Variants in DMGDH observed in about 807,000 individuals in gnomAD.
DMGDH encodes dimethylglycine dehydrogenase.
Under a neutral mutation model 95.2 loss-of-function variants are expected in DMGDH, and 76 were observed. The observed-to-expected ratio is 0.80, with a 90% confidence interval of 0.66 to 0.97. The LOEUF is 0.97. Ranked by LOEUF, DMGDH falls within the 50% of genes least tolerant of loss-of-function variation. The probability of loss-of-function intolerance (pLI) is 0.00; values close to 1 mark genes in which losing one functional copy is unlikely to be tolerated. For synonymous variants in DMGDH, 345 were observed against 377.6 expected, an observed-to-expected ratio of 0.91 and a Z score of 1.00; for missense variants, 987 against 1,055.0, an observed-to-expected ratio of 0.94 and a Z score of 0.89.
chr5:79,021,227 C>T, intron 14 of DMGDH: 1 of 1,009,930 alleles, frequency 9.9e-7, no homozygotes, highest in Non-Finnish European at 1.2e-6. Context: ...CTGGAGAGCC[C>T]TCCACTTGCG....
intron 15 of DMGDH, among the ~76,000 whole-genome samples, chr5:79,002,568 T>G (rs1753471975): frequency 6.6e-6 from 1 of 152,170 alleles, no homozygotes; most frequent in African/African-American, 2.4e-5. Flanking sequence ...ATTCTTGTGT[T>G]TTGTTCACTG....
At chr5:79,015,964 G>A (rs1436325983) in intron 14 of DMGDH, among the ~76,000 whole-genome samples, 1 of 152,098 alleles carries the variant, frequency 6.6e-6, no homozygotes, top group Admixed American at 6.5e-5. Context: ...TTTTAAAAAT[G>A]TTAACACTAG....
Position 79,051,308 on chromosome 5 carries a change from T to C in DMGDH, c.724A>G (p.Asn242Asp). 1.2e-6 allele frequency: 2 copies of C among 1,614,222 alleles called. No homozygotes were observed. The highest frequency in any genetic ancestry group is 1.7e-6 in the Non-Finnish European group (2 of 1,180,034). ...TTACCTGCAGCATTCACAATTCTATTTGCTCTCATAGACCCCTGTGGTGTT... is the reference window on the plus strand; with the variant it reads ...TTACCTGCAGCATTCACAATTCTATCTGCTCTCATAGACCCCTGTGGTGTT... ...VETPQGSMRA[N>D]RIVNAAGFWA... Residue 242 changes from asparagine (N) to aspartate (D), a missense_variant, in exon 5 of 16, where the codon AAT (asparagine) becomes GAT (aspartate). Asn to Asp is a conservative substitution (Grantham distance 23). Transcript: ENST00000255189.
chr5:79,006,315 G>T (rs748497577), intron 14 of DMGDH, among the ~76,000 whole-genome samples: 2 of 151,922 alleles, frequency 1.3e-5, no homozygotes, highest in Admixed American at 6.6e-5. Flanking sequence ...ACACACAAGT[G>T]AGCAATGACT....
chr5:79,028,376 T>C (rs1754057444), intron 12 of DMGDH, 57 bp downstream of exon 12: 1 of 1,448,570 alleles, frequency 6.9e-7, no homozygotes. Flanking sequence ...AAATTTTAAA[T>C]TTTAAATTGA....
At chr5:79,042,875 C>A (rs1279595355) in intron 6 of DMGDH, among the ~76,000 whole-genome samples, 4 of 152,016 alleles carry the variant, frequency 2.6e-5, no homozygotes, top group African/African-American at 4.8e-5. Context: ...TGGGAGTTTA[C>A]AAAGTCATGG....
chr5:79,023,554 C>T (rs892656314), intron 14 of DMGDH, among the ~76,000 whole-genome samples: 1 of 152,122 alleles, frequency 6.6e-6, no homozygotes, highest in Admixed American at 6.5e-5. Flanking sequence ...GGCCTGACTC[C>T]CAGAGATTCT....
chr5:79,010,215 C>G (rs1753625532), intron 14 of DMGDH, among the ~76,000 whole-genome samples: 1 of 151,942 alleles, frequency 6.6e-6, no homozygotes, highest in East Asian at 1.9e-4. Context: ...ACCATATTAC[C>G]TAAAAGCACA....
intron 14 of DMGDH, 86 bp downstream of exon 14, chr5:79,024,185 G>A: frequency 8.4e-7 from 1 of 1,191,884 alleles, no homozygotes; most frequent in South Asian, 1.2e-5. Context: ...ATCCATACTT[G>A]GTTAAATTTT....
intron 4 of DMGDH, among the ~76,000 whole-genome samples, chr5:79,053,355 G>A (rs1421116925): frequency 6.6e-6 from 1 of 151,940 alleles, no homozygotes; most frequent in Non-Finnish European, 1.5e-5. Flanking sequence ...TGTGTGAGAC[G>A]AGGTCTCAGT....
chr5:79,015,264 ACTCATTG>A (rs897669316), intron 14 of DMGDH, among the ~76,000 whole-genome samples: 4 of 151,870 alleles, frequency 2.6e-5, no homozygotes, highest in African/African-American at 9.7e-5. Context: ...TCTAAATAGC[ACTCATTG>A]CTCTTTCTTC....
chr5:79,020,958 T>C, intron 14 of DMGDH: 1 of 985,412 alleles, frequency 1.0e-6, no homozygotes. Flanking sequence ...GGCAGCTGAT[T>C]TTCCTTTTGC....
intron 2 of DMGDH, among the ~76,000 whole-genome samples, chr5:79,057,412 C>A (rs937457963): frequency 6.6e-6 from 1 of 152,136 alleles, no homozygotes; most frequent in Non-Finnish European, 1.5e-5. Flanking sequence ...GCATTTCATC[C>A]TCCTGCACTC....
chr5:79,049,722 A>T (rs1285776387), intron 5 of DMGDH, among the ~76,000 whole-genome samples: 2 of 152,204 alleles, frequency 1.3e-5, no homozygotes, highest in Middle Eastern at 3.2e-3. Context: ...TGTCAGATGG[A>T]GACTGGAGGG....
intron 6 of DMGDH, 126 bp downstream of exon 6, chr5:79,044,178 T>G (rs1391042504): frequency 7.2e-7 from 1 of 1,385,294 alleles, no homozygotes; most frequent in Non-Finnish European, 1.0e-6. Flanking sequence ...ACCTGTCACC[T>G]CCAATGTCCC....
chr5:79,019,296 G>A (rs1410715927), intron 14 of DMGDH, among the ~76,000 whole-genome samples: 1 of 152,098 alleles, frequency 6.6e-6, no homozygotes, highest in African/African-American at 2.4e-5. Flanking sequence ...TAGCCTAGCT[G>A]GAATAGGCTC....
At chr5:78,999,330 T>C (rs1753413450) in intron 15 of DMGDH, among the ~76,000 whole-genome samples, 1 of 152,160 alleles carries the variant, frequency 6.6e-6, no homozygotes, top group Admixed American at 6.5e-5. Flanking sequence ...TTTCTCTCTC[T>C]CTTTTTTTTC....
In DMGDH at chr5:79,044,481, C is replaced by A; in HGVS notation, c.817G>T (p.Val273Phe). The A allele has an allele frequency of 6.2e-7, 1 of 1,614,134 alleles. No individual in the cohort carries two copies. Among genetic ancestry groups the A allele is most frequent in the Non-Finnish European group, 8.5e-7 (1 of 1,180,020 alleles). ...HPLIPVQHQY[V>F]VTSTISEVKA... ...ACTTCAGATATAGTCGATGTAACAA[C>A]ATATTGATGTTGAACCGGAATGAGA... is the stretch of plus-strand genomic sequence containing the variant. Residue 273 changes from valine (V) to phenylalanine (F), a missense_variant, in exon 6 of 16, where the codon GTT (valine) becomes TTT (phenylalanine). By Grantham distance (50) the Val-to-Phe change is conservative (BLOSUM62 -1). Coordinates refer to ENST00000255189, the MANE Select transcript of DMGDH (RefSeq NM_013391.3).
chr5:79,021,090 G>A, intron 14 of DMGDH: 4 of 986,236 alleles, frequency 4.1e-6, no homozygotes, highest in Non-Finnish European at 3.6e-6. Flanking sequence ...AGTCGTTTCA[G>A]GTGAAGCGTT....
Sources: allele counts gnomAD v4.1 joint callset (sites outside exome capture counted in the v4.1 genomes callset), GRCh38; gene constraint gnomAD v4.1.1; transcripts MANE v1.5; gene names NCBI Gene and HGNC (gene_info 2026-07-23, HGNC 2026-07-21).